The following ANO6 variants were observed in gnomAD, a reference collection of about 807,000 sequenced individuals.
ANO6 encodes the protein anoctamin-6.
A neutral mutation model predicts 117.5 loss-of-function variants in ANO6; 106 were observed. The ratio of observed to expected loss-of-function variants is 0.90; its 90% confidence interval spans 0.77 to 1.06. ANO6 has a LOEUF of 1.06. Ranked by LOEUF, ANO6 falls within the 50% of genes least tolerant of loss-of-function variation. The pLI, the probability that ANO6 is intolerant of heterozygous loss-of-function variation, is 0.00. For missense variants in ANO6, 955 were observed against 1,121.1 expected, an observed-to-expected ratio of 0.85 and a Z score of 2.12; for synonymous variants, 367 against 385.1, an observed-to-expected ratio of 0.95 and a Z score of 0.55.
chr12:45,393,156 C>A (rs1942503099), intron 12 of ANO6, among the ~76,000 whole-genome samples: 1 of 152,138 alleles, frequency 6.6e-6, no homozygotes, highest in Non-Finnish European at 1.5e-5. Flanking sequence ...CCTTAAATGA[C>A]CTGATGGAGC....
At chr12:45,325,019 G>A (rs190254827) in intron 2 of ANO6, among the ~76,000 whole-genome samples, 9 of 152,280 alleles carry the variant, frequency 5.9e-5, no homozygotes, top group Admixed American at 5.2e-4. Context: ...CCAAACATAG[G>A]TAAGCTAAAG....
At chr12:45,400,725 C>T (rs761245903) in intron 12 of ANO6, among the ~76,000 whole-genome samples, 143 of 152,286 alleles carry the variant, frequency 9.4e-4, no homozygotes, top group Non-Finnish European at 7.2e-4. Flanking sequence ...GCCCCAGGAC[C>T]ATCCTGTAAT....
intron 9 of ANO6, among the ~76,000 whole-genome samples, chr12:45,374,926 AGAC>A (rs1941960870): frequency 6.6e-6 from 1 of 152,026 alleles, no homozygotes; most frequent in Non-Finnish European, 1.5e-5. Flanking sequence ...CCCTGTTTGC[AGAC>A]GACATGATTG....
At chr12:45,287,487 C>T (rs1938955380) in intron 1 of ANO6, among the ~76,000 whole-genome samples, 1 of 152,154 alleles carries the variant, frequency 6.6e-6, no homozygotes, top group African/African-American at 2.4e-5. Flanking sequence ...ATAGAATAGG[C>T]ACTGGAATCT....
intron 16 of ANO6, among the ~76,000 whole-genome samples, chr12:45,415,992 A>G (rs1448476171): frequency 6.6e-6 from 1 of 152,158 alleles, no homozygotes; most frequent in African/African-American, 2.4e-5. Context: ...CCCATTTTTA[A>G]TAAGGCCGTG....
chr12:45,396,870 G>C lies in ANO6; in HGVS notation c.1387-4925G>C, dbSNP rs188505201. On this transcript the variant is annotated intron_variant, in intron 12 of 19. Coordinates refer to ENST00000320560, the MANE Select transcript of ANO6 (RefSeq NM_001025356.3). ...TAAAGACTTAAATGTTAGACCTAAA[G>C]CCATAAAAACCCTAGAAGAAAACCT... is the stretch of plus-strand genomic sequence containing the variant. Among the ~76,000 whole-genome samples the C allele has an allele frequency of 2.4e-3, 363 of 152,152 alleles. 1 individual carries two copies. The highest frequency in any genetic ancestry group is 8.1e-3 in the African/African-American group (337 of 41,508).
rs1428924504 is a variant in ANO6, at chr12:45,216,550, C to G, written c.70+159C>G. 2.0e-5 allele frequency among the ~76,000 whole-genome samples: 3 copies of G among 152,330 alleles called. No individual in the cohort carries two copies. In the South Asian group the frequency reaches 6.2e-4, roughly 32 times the overall value. ...GAAGCCCGCTGTCCCCGGCTGCTTG[C>G]AGACTGAGGCCCCGGTGCGGCCCCT... On this transcript the variant is annotated intron_variant, in intron 1 of 19. Transcript: ENST00000320560.
intron 1 of ANO6, chr12:45,270,506 C>T: frequency 7.7e-7 from 1 of 1,292,110 alleles, no homozygotes; most frequent in East Asian, 2.6e-5. Context: ...TCCTCATACT[C>T]ACCTCCCATC....
chr12:45,275,970 G>T, intron 1 of ANO6, among the ~76,000 whole-genome samples: 1 of 151,964 alleles, frequency 6.6e-6, no homozygotes, highest in East Asian at 1.9e-4. Context: ...AGTTCTAGAC[G>T]CCGTACCCTC....
At chr12:45,428,871 G>C (rs922222718) in intron 19 of ANO6, among the ~76,000 whole-genome samples, 1 of 152,054 alleles carries the variant, frequency 6.6e-6, no homozygotes, top group Non-Finnish European at 1.5e-5. Flanking sequence ...ACCATTATAT[G>C]TGTGTATATA....
chr12:45,350,640 G>A lies in ANO6; in HGVS notation c.748-19G>A, dbSNP rs1298110008. The A allele has an allele frequency of 6.3e-7, 1 of 1,586,704 alleles. No individual in the cohort carries two copies. The highest frequency in any genetic ancestry group is 8.7e-7 in the Non-Finnish European group (1 of 1,155,636). On this transcript the variant is annotated intron_variant, in intron 6 of 19. Transcript: ENST00000320560. The stretch of plus-strand genomic sequence containing the variant: ...AACACGATGATTATGGTGCTTACAT[G>A]TTCCCTTCTGCGTCACAGTGCAAAT...
chr12:45,289,000 G>C (rs1358519139), intron 1 of ANO6, among the ~76,000 whole-genome samples: 2 of 151,534 alleles, frequency 1.3e-5, no homozygotes, highest in Non-Finnish European at 2.9e-5. Context: ...TTTTCACATA[G>C]AGATATATTG....
At chr12:45,299,362 A>T (rs926962162) in intron 1 of ANO6, among the ~76,000 whole-genome samples, 1 of 152,222 alleles carries the variant, frequency 6.6e-6, no homozygotes, top group Non-Finnish European at 1.5e-5. Context: ...CAATGGTTGC[A>T]GCTCTTCAAG....
chr12:45,240,850 C>T (rs1027950108), intron 1 of ANO6, among the ~76,000 whole-genome samples: 1 of 152,136 alleles, frequency 6.6e-6, no homozygotes, highest in Non-Finnish European at 1.5e-5. Context: ...GTTGAAAATT[C>T]TTTTCTTTAA....
At chr12:45,253,339 T>C (rs761130467) in intron 1 of ANO6, among the ~76,000 whole-genome samples, 2 of 152,222 alleles carry the variant, frequency 1.3e-5, no homozygotes, top group Non-Finnish European at 2.9e-5. Context: ...ACTGATCCAG[T>C]TGCAGAGAAG....
At position 45,421,098 on chromosome 12, in the gene ANO6, A is replaced by C; in HGVS notation, c.2245A>C (p.Met749Leu). 3 of 1,614,226 alleles carry C rather than the reference A, an allele frequency of 1.9e-6. No individual in the cohort carries two copies. Among genetic ancestry groups the C allele is most frequent in the Non-Finnish European group, 2.5e-6 (3 of 1,180,030 alleles). The change falls in exon 18 of 20, where the codon ATG (methionine) becomes CTG (leucine). Residue 749 changes from methionine (M) to leucine (L), a missense_variant. Transcript: ENST00000320560. The part of the protein sequence containing the change: ...NAMIIAFTSD[M>L]IPRLVYYWSF... ...CATGATCATAGCTTTCACGTCGGAC[A>C]TGATCCCCCGCCTAGTGTACTACTG...
At chr12:45,433,696 C>G (rs117501973), downstream of ANO6, among the ~76,000 whole-genome samples, 10 of 152,166 alleles carry the variant, frequency 6.6e-5, 1 homozygote, top group East Asian at 1.9e-3. Flanking sequence ...CCCTCGTCAC[C>G]GTCACCGTTA....
intron 1 of ANO6, among the ~76,000 whole-genome samples, chr12:45,250,647 C>T (rs950245429): frequency 6.6e-6 from 1 of 151,884 alleles, no homozygotes; most frequent in African/African-American, 2.4e-5. Context: ...AAGTGATCCT[C>T]CCACTTCTGC....
At chr12:45,246,301 G>A (rs935014792) in intron 1 of ANO6, among the ~76,000 whole-genome samples, 1 of 152,200 alleles carries the variant, frequency 6.6e-6, no homozygotes, top group African/African-American at 2.4e-5. Flanking sequence ...CTGAAACTTG[G>A]TGAAAGTTTA....
Sources: allele counts gnomAD v4.1 joint callset (sites outside exome capture counted in the v4.1 genomes callset), GRCh38; gene constraint gnomAD v4.1.1; transcripts MANE v1.5; gene names NCBI Gene and HGNC (gene_info 2026-07-23, HGNC 2026-07-21).